The following CHKA variants were observed in gnomAD, a reference collection of about 807,000 sequenced individuals.
CHKA encodes the protein CHETK-alpha.
A neutral mutation model predicts 60.1 loss-of-function variants in CHKA; 34 were observed. The observed-to-expected ratio is 0.57, with a 90% confidence interval of 0.43 to 0.75. The LOEUF (loss-of-function observed/expected upper bound fraction) is 0.75. Among genes scored for constraint, CHKA ranks in the 30% least tolerant of loss-of-function variants. The probability of loss-of-function intolerance (pLI) is 0.00; values close to 1 mark genes in which losing one functional copy is unlikely to be tolerated. For synonymous variants in CHKA, 217 were observed against 223.1 expected (o/e 0.97, Z 0.24); for missense variants, 563 against 561.3 (o/e 1.00, Z -0.03).
chr11:68,090,649 T>C lies in CHKA; in HGVS notation c.462+6370A>G, dbSNP rs539476171. Among the ~76,000 whole-genome samples, 4 of 152,326 alleles carry C rather than the reference T, an allele frequency of 2.6e-5. No individual in the cohort carries two copies. In the East Asian group the frequency reaches 7.7e-4, roughly 29 times the overall value. On this transcript the variant is annotated intron_variant, in intron 2 of 11. Transcript: ENST00000265689. Reference sequence around the variant, plus strand: ...ATTTAAAAAGGACAGTGTCTCAAATTTGACTCTTTTAAGTTGCTAATACAT... The same window carrying C: ...ATTTAAAAAGGACAGTGTCTCAAATCTGACTCTTTTAAGTTGCTAATACAT...
intron 1 of CHKA, among the ~76,000 whole-genome samples, 194 bp downstream of exon 1, chr11:68,120,634 G>T (rs542554487): frequency 1.3e-5 from 2 of 152,148 alleles, no homozygotes; most frequent in Non-Finnish European, 2.9e-5. Context: ...CCGCGAACCC[G>T]CTTCCCTTGG....
chr11:68,079,607 G>A (rs906155127), intron 3 of CHKA, among the ~76,000 whole-genome samples: 3 of 152,108 alleles, frequency 2.0e-5, no homozygotes, highest in Non-Finnish European at 2.9e-5. Flanking sequence ...CTAGGATTAC[G>A]GCGTGAGCCA....
At chr11:68,057,858 A>G (rs986967528) in intron 11 of CHKA, among the ~76,000 whole-genome samples, 2 of 152,118 alleles carry the variant, frequency 1.3e-5, no homozygotes, top group African/African-American at 4.8e-5. Flanking sequence ...ACATGGATCA[A>G]TTTCTGGACA....
Position 68,070,712 on chromosome 11 carries a change from T to G in CHKA, c.764+12A>C, listed in dbSNP as rs375282627. The G allele has an allele frequency of 1.9e-6, 3 of 1,607,482 alleles. No individual in the cohort carries two copies. In the Admixed American group the frequency reaches 5.0e-5, roughly 27 times the overall value. On this transcript the variant is annotated intron_variant, in intron 5 of 11. Transcript: ENST00000265689. ...TAAAACTATGTTAGGACCAAGTGAT[T>G]TGACCACTTACTTTTCCATTGTGCC... is the stretch of plus-strand genomic sequence containing the variant.
chr11:68,119,116 T>G (rs967358102), intron 1 of CHKA, among the ~76,000 whole-genome samples: 7 of 152,228 alleles, frequency 4.6e-5, no homozygotes, highest in African/African-American at 1.7e-4. Context: ...TAACTAAAAG[T>G]AGATTAAAGT....
intron 2 of CHKA, among the ~76,000 whole-genome samples, chr11:68,084,391 CACACATATACGTATAT>C (rs1857105343): frequency 1.0e-5 from 1 of 100,172 alleles, no homozygotes; most frequent in Non-Finnish European, 2.0e-5. Flanking sequence ...TATATATATA[CACACATATACGTATAT>C]ATGTGTATAT....
chr11:68,069,372 C>T (rs1288089325), intron 6 of CHKA, among the ~76,000 whole-genome samples: 1 of 152,148 alleles, frequency 6.6e-6, no homozygotes, highest in East Asian at 1.9e-4. Flanking sequence ...AGAGGAGGCA[C>T]AAACCTGAGT....
intron 1 of CHKA, among the ~76,000 whole-genome samples, chr11:68,108,561 G>A (rs554969305): frequency 2.0e-4 from 31 of 152,258 alleles, no homozygotes; most frequent in East Asian, 9.7e-4. Flanking sequence ...TGGCTAACAC[G>A]GTGAAACTCC....
chr11:68,109,150 C>A (rs1205945413), intron 1 of CHKA, among the ~76,000 whole-genome samples: 2 of 139,514 alleles, frequency 1.4e-5, no homozygotes, highest in African/African-American at 5.5e-5. Flanking sequence ...AGTGCAGTGG[C>A]GCGATCTCGG....
chr11:68,068,921 T>C lies in CHKA; in HGVS notation c.886A>G (p.Thr296Ala). The change falls in exon 7 of 12, where the codon ACT (threonine) becomes GCT (alanine). Residue 296 changes from threonine to alanine, a missense_variant. By Grantham distance (58) the Thr-to-Ala change is moderately conservative. Coordinates refer to ENST00000265689, the MANE Select transcript of CHKA (RefSeq NM_001277.3). ...LENLRSLLES[T>A]PSPVVFCHND... Reference sequence around the variant, plus strand: ...TGACAAAATACAACTGGAGATGGAGTAGATTCAAGCAATGATCTGAAAAGA... The same window carrying C: ...TGACAAAATACAACTGGAGATGGAGCAGATTCAAGCAATGATCTGAAAAGA... 6.2e-7 allele frequency: 1 copy of C among 1,612,104 alleles called. No individual in the cohort carries two copies. The highest frequency in any genetic ancestry group is 8.5e-7 in the Non-Finnish European group (1 of 1,178,858).
At chr11:68,090,230 C>T (rs1411153737) in intron 2 of CHKA, among the ~76,000 whole-genome samples, 2 of 152,124 alleles carry the variant, frequency 1.3e-5, no homozygotes, top group African/African-American at 4.8e-5. Context: ...AATGGGAACG[C>T]ACAACACTAG....
chr11:68,070,655 C>T, intron 5 of CHKA, 69 bp downstream of exon 5: 1 of 1,534,474 alleles, frequency 6.5e-7, no homozygotes, highest in Non-Finnish European at 8.9e-7. Context: ...CAAACAAATG[C>T]TCACTTATGG....
chr11:68,097,416 C>T (rs1344058518), intron 1 of CHKA, among the ~76,000 whole-genome samples: 2 of 152,106 alleles, frequency 1.3e-5, no homozygotes, highest in Non-Finnish European at 2.9e-5. Context: ...GGGTGGATCA[C>T]AAGGTCAAGG....
chr11:68,084,346 G>GTGTA (rs1857097708), intron 2 of CHKA, among the ~76,000 whole-genome samples: 2 of 133,692 alleles, frequency 1.5e-5, no homozygotes, highest in Non-Finnish European at 3.2e-5. Flanking sequence ...GTATATATAT[G>GTGTA]TGTATATATA....
intron 1 of CHKA, among the ~76,000 whole-genome samples, chr11:68,114,973 G>C (rs913127691): frequency 6.6e-6 from 1 of 152,078 alleles, no homozygotes; most frequent in East Asian, 1.9e-4. Context: ...ACTTATGATG[G>C]TTCAACTTAT....
intron 2 of CHKA, among the ~76,000 whole-genome samples, chr11:68,087,916 C>G (rs1366329138): frequency 6.6e-6 from 1 of 151,946 alleles, no homozygotes; most frequent in African/African-American, 2.4e-5. Context: ...AATTTGAGAC[C>G]AGCCTGACCA....
rs953701031 is a variant in CHKA, at chr11:68,081,348, G to C, written c.516+56C>G. 2.8e-6 allele frequency: 4 copies of C among 1,436,218 alleles called. No homozygotes were observed. In the Admixed American group the frequency reaches 5.1e-5, roughly 18 times the overall value. The allele number at this position is 1,436,218 out of a possible 1,614,324, so 89.0% of individuals were successfully genotyped here. A position where few individuals can be genotyped will look rare whatever the true frequency, so the allele number is the denominator to read the frequency against. Reference sequence around the variant, plus strand: ...CACTGCCAAGCCCTGGAGTAGCGAAGGGTGGCTAACACTAGTTCACATCTC... The same window carrying C: ...CACTGCCAAGCCCTGGAGTAGCGAACGGTGGCTAACACTAGTTCACATCTC... On this transcript the variant is annotated intron_variant, in intron 3 of 11. Transcript: ENST00000265689.
chr11:68,107,993 C>T (rs972146584), intron 1 of CHKA, among the ~76,000 whole-genome samples: 16 of 152,112 alleles, frequency 1.1e-4, no homozygotes, highest in African/African-American at 3.1e-4. Context: ...CGCAGCAGAA[C>T]GAGGAGATTC....
At chr11:68,100,837 C>G (rs186791628) in intron 1 of CHKA, among the ~76,000 whole-genome samples, 149 of 151,740 alleles carry the variant, frequency 9.8e-4, no homozygotes, top group African/African-American at 3.6e-3. Flanking sequence ...GGAATTCTCA[C>G]CCCTGCCCTC....
Sources: allele counts gnomAD v4.1 joint callset (sites outside exome capture counted in the v4.1 genomes callset), GRCh38; gene constraint gnomAD v4.1.1; transcripts MANE v1.5; gene names NCBI Gene and HGNC (gene_info 2026-07-23, HGNC 2026-07-21).